Variants in PCDH9 observed in about 807,000 individuals in gnomAD.
PCDH9 encodes the protein protocadherin 9, also known as protocadherin-9.
In PCDH9, 24 loss-of-function variants were observed where a neutral mutation model predicts 70.6. That is an observed-to-expected ratio of 0.34 (90% CI 0.25 to 0.48). The LOEUF (loss-of-function observed/expected upper bound fraction) is 0.48. Among genes scored for constraint, PCDH9 ranks in the 20% least tolerant of loss-of-function variants. The probability of loss-of-function intolerance (pLI) is 0.99; values close to 1 mark genes in which losing one functional copy is unlikely to be tolerated. For missense variants in PCDH9, 1,281 were observed against 1,503.6 expected (o/e 0.85, Z 2.45); for synonymous variants, 562 against 558.5 (o/e 1.01, Z -0.09).
intron 4 of PCDH9, among the ~76,000 whole-genome samples, chr13:66,338,193 C>T (rs183790621): frequency 6.6e-6 from 1 of 152,156 alleles, no homozygotes; most frequent in East Asian, 1.9e-4. Context: ...GTACACAGAA[C>T]ATAGGTGTCC....
At chr13:66,775,788 C>T (rs559926639) in intron 3 of PCDH9, among the ~76,000 whole-genome samples, 1 of 152,076 alleles carries the variant, frequency 6.6e-6, no homozygotes, top group Non-Finnish European at 1.5e-5. Context: ...TGGGGGGAGT[C>T]AAAAGTTATG....
At chr13:66,938,169 T>C (rs1016627325) in intron 2 of PCDH9, among the ~76,000 whole-genome samples, 3 of 152,134 alleles carry the variant, frequency 2.0e-5, no homozygotes, top group Admixed American at 2.0e-4. Flanking sequence ...CACAGATAAC[T>C]GATGGGTAGA....
intron 2 of PCDH9, among the ~76,000 whole-genome samples, chr13:67,160,477 G>A (rs2087926084): frequency 6.6e-6 from 1 of 152,084 alleles, no homozygotes; most frequent in African/African-American, 2.4e-5. Flanking sequence ...AACCCAGGAG[G>A]CGGAGGTTGC....
At chr13:66,907,641 A>C (rs767659037) in intron 2 of PCDH9, among the ~76,000 whole-genome samples, 31 of 152,320 alleles carry the variant, frequency 2.0e-4, no homozygotes, top group Non-Finnish European at 4.3e-4. Context: ...ACTTCTAGCC[A>C]TATTAAGAGA....
chr13:66,761,285 C>T (rs1021571832), intron 3 of PCDH9, among the ~76,000 whole-genome samples: 1 of 152,260 alleles, frequency 6.6e-6, no homozygotes, highest in East Asian at 1.9e-4. Flanking sequence ...CTCTTTACTT[C>T]TCAGACTGGC....
intron 4 of PCDH9, among the ~76,000 whole-genome samples, chr13:66,343,814 G>A (rs958078426): frequency 6.6e-6 from 1 of 152,102 alleles, no homozygotes; most frequent in Non-Finnish European, 1.5e-5. Context: ...GGAACGGGGG[G>A]CATTGCCTAC....
chr13:67,056,500 G>C (rs79398665), intron 2 of PCDH9, among the ~76,000 whole-genome samples: 5,705 of 152,190 alleles, frequency 0.037, 178 homozygotes, highest in South Asian at 0.11. Context: ...TGTCTCAGGG[G>C]AATAATTTAG....
chr13:66,935,305 C>T (rs2082898357), intron 2 of PCDH9, among the ~76,000 whole-genome samples: 1 of 152,092 alleles, frequency 6.6e-6, no homozygotes, highest in Admixed American at 6.6e-5. Context: ...ATCCTCCCAC[C>T]TCAGCCTCTT....
At chr13:66,719,958 A>T (rs2078920003) in intron 3 of PCDH9, among the ~76,000 whole-genome samples, 1 of 152,196 alleles carries the variant, frequency 6.6e-6, no homozygotes, top group Admixed American at 6.5e-5. Context: ...TCCACAGAAG[A>T]AGGAAGTATC....
chr13:66,621,861 C>T (rs1318204636), intron 4 of PCDH9, among the ~76,000 whole-genome samples: 1 of 152,258 alleles, frequency 6.6e-6, no homozygotes, highest in Non-Finnish European at 1.5e-5. Flanking sequence ...TTGATGAGCC[C>T]TTCAGCCCAC....
intron 3 of PCDH9, among the ~76,000 whole-genome samples, chr13:66,647,556 G>C (rs1183283423): frequency 1.3e-5 from 2 of 152,138 alleles, no homozygotes; most frequent in African/African-American, 4.8e-5. Flanking sequence ...TAGCCAGGTA[G>C]TACTCACCAT....
intron 4 of PCDH9, among the ~76,000 whole-genome samples, chr13:66,400,783 AGT>A (rs1957171175): frequency 6.6e-6 from 1 of 152,232 alleles, no homozygotes; most frequent in Non-Finnish European, 1.5e-5. Context: ...TATAATAAAA[AGT>A]GTTAGATTTC....
At position 66,941,664 on chromosome 13, in the gene PCDH9, C is replaced by A. The variant is rs549014804; in HGVS notation, c.3037-38059G>T. Among the ~76,000 whole-genome samples, 4 of 151,782 alleles carry A rather than the reference C, an allele frequency of 2.6e-5. 1 individual carries two copies. The South Asian group carries it at 8.3e-4, about 32-fold the overall frequency. ...AAATATTTCCAGGAATATGAGAGACCATTTCATAATGATGTTTATTAAGAG... is the reference window on the plus strand; with the variant it reads ...AAATATTTCCAGGAATATGAGAGACAATTTCATAATGATGTTTATTAAGAG... On this transcript the variant is annotated intron_variant, in intron 2 of 4. Coordinates refer to ENST00000377865, the MANE Select transcript of PCDH9 (RefSeq NM_203487.3).
chr13:66,691,555 AC>A (rs1406628661), intron 3 of PCDH9, among the ~76,000 whole-genome samples: 4 of 152,050 alleles, frequency 2.6e-5, no homozygotes, highest in African/African-American at 9.7e-5. Flanking sequence ...TATTATTTTA[AC>A]TTTTAATGTG....
intron 4 of PCDH9, among the ~76,000 whole-genome samples, chr13:66,449,752 T>C (rs1307871561): frequency 6.6e-6 from 1 of 152,154 alleles, no homozygotes; most frequent in Non-Finnish European, 1.5e-5. Flanking sequence ...TTTATTAAAC[T>C]TTTATATCCC....
chr13:67,039,267 T>C (rs1244171559), intron 2 of PCDH9, among the ~76,000 whole-genome samples: 1 of 152,082 alleles, frequency 6.6e-6, no homozygotes, highest in African/African-American at 2.4e-5. Context: ...CATGCCCAGG[T>C]GAACCCAAAA....
chr13:66,650,399 A>G (rs1042125472), intron 3 of PCDH9, among the ~76,000 whole-genome samples: 3 of 152,074 alleles, frequency 2.0e-5, no homozygotes, highest in Non-Finnish European at 4.4e-5. Context: ...ATATAATGAT[A>G]AAGGGGCCAA....
At chr13:66,549,073 C>A (rs993027173) in intron 4 of PCDH9, among the ~76,000 whole-genome samples, 5 of 151,934 alleles carry the variant, frequency 3.3e-5, no homozygotes, top group Non-Finnish European at 5.9e-5. Context: ...ATTCTATTTC[C>A]AAGAAATTCT....
chr13:66,794,992 C>CACACACAT (rs1045046853), intron 3 of PCDH9, among the ~76,000 whole-genome samples: 2 of 151,646 alleles, frequency 1.3e-5, no homozygotes, highest in African/African-American at 4.8e-5. Context: ...CACACACACA[C>CACACACAT]ACACACACAC....
Sources: allele counts gnomAD v4.1 joint callset (sites outside exome capture counted in the v4.1 genomes callset), GRCh38; gene constraint gnomAD v4.1.1; transcripts MANE v1.5; gene names NCBI Gene and HGNC (gene_info 2026-07-23, HGNC 2026-07-21).